Variants in WWOX observed in about 807,000 individuals in gnomAD.
The protein encoded by WWOX is WW domain-containing oxidoreductase.
WWOX carries 69 observed loss-of-function variants against 46.2 expected under a neutral mutation model. The observed-to-expected ratio is 1.49, with a 90% CI of 1.23 to 1.82. The LOEUF is 1.82. WWOX is among the 40% of genes most tolerant of loss of function. The pLI is 0.00. For synonymous variants in WWOX, 359 were observed against 202.6 expected (o/e 1.77, Z -6.56); for missense variants, 919 against 542.6 (o/e 1.69, Z -6.89).
At chr16:78,391,472 A>G (rs895834153) in intron 6 of WWOX, among the ~76,000 whole-genome samples, 4 of 152,234 alleles carry the variant, frequency 2.6e-5, no homozygotes, top group Admixed American at 1.3e-4. Context: ...CTCTGAATCC[A>G]AAACGACTTT....
At chr16:79,035,298 C>A (rs953991066) in intron 8 of WWOX, among the ~76,000 whole-genome samples, 3 of 152,156 alleles carry the variant, frequency 2.0e-5, no homozygotes, top group Non-Finnish European at 2.9e-5. Flanking sequence ...CATCTCTAAT[C>A]CCTTTGATTT....
chr16:79,162,637 A>C (rs1311521965), intron 8 of WWOX, among the ~76,000 whole-genome samples: 1 of 152,172 alleles, frequency 6.6e-6, no homozygotes, highest in African/African-American at 2.4e-5. Context: ...TTGCCCTTGG[A>C]CCATGTCTTC....
intron 8 of WWOX, among the ~76,000 whole-genome samples, chr16:78,932,067 C>T (rs967203798): frequency 2.6e-5 from 4 of 152,184 alleles, no homozygotes; most frequent in South Asian, 2.1e-4. Context: ...AACTGTGAGT[C>T]CGTTAAACCT....
At chr16:78,866,676 C>G (rs1260197704) in intron 8 of WWOX, among the ~76,000 whole-genome samples, 1 of 152,186 alleles carries the variant, frequency 6.6e-6, no homozygotes, top group East Asian at 1.9e-4. Context: ...GCAACGTAGC[C>G]TGATTGTTCT....
chr16:78,315,206 A>G (rs1019068208), intron 5 of WWOX, among the ~76,000 whole-genome samples: 1 of 152,230 alleles, frequency 6.6e-6, no homozygotes, highest in African/African-American at 2.4e-5. Flanking sequence ...TGAAACAGCT[A>G]CCTTTTCCTT....
intron 6 of WWOX, among the ~76,000 whole-genome samples, chr16:78,399,653 C>G (rs1318880148): frequency 6.6e-6 from 1 of 152,128 alleles, no homozygotes; most frequent in Non-Finnish European, 1.5e-5. Flanking sequence ...AGAGAACTCT[C>G]GATTTATATA....
chr16:78,672,799 A>G (rs1033831938), intron 8 of WWOX, among the ~76,000 whole-genome samples: 3 of 152,186 alleles, frequency 2.0e-5, no homozygotes, highest in Non-Finnish European at 2.9e-5. Flanking sequence ...TGAGTTTCCA[A>G]TGATAACAGC....
Position 78,550,575 on chromosome 16 carries a change from T to A in WWOX, c.1056+117823T>A, listed in dbSNP as rs548031801. Among the ~76,000 whole-genome samples, 41 of 152,380 alleles carry A rather than the reference T, an allele frequency of 2.7e-4. 1 individual carries two copies. Among genetic ancestry groups the A allele is most frequent in the African/African-American group, 9.6e-4 (40 of 41,586 alleles). On this transcript the variant is annotated intron_variant, in intron 8 of 8. Transcript: ENST00000566780. Reference sequence around the variant, plus strand: ...CATGGTTTTAGAACATGATATTTTCTACTATGGATGAATGCTCCTCTTTTG... The same window carrying A: ...CATGGTTTTAGAACATGATATTTTCAACTATGGATGAATGCTCCTCTTTTG...
At chr16:78,923,728 G>A (rs1339111791) in intron 8 of WWOX, among the ~76,000 whole-genome samples, 1 of 142,964 alleles carries the variant, frequency 7.0e-6, no homozygotes, top group Non-Finnish European at 1.6e-5. Flanking sequence ...CCTTGGAAAT[G>A]TCAAAAGGAT....
At chr16:78,829,439 G>T (rs867790984) in intron 8 of WWOX, among the ~76,000 whole-genome samples, 8 of 152,190 alleles carry the variant, frequency 5.3e-5, no homozygotes, top group Non-Finnish European at 7.3e-5. Context: ...GTTTTACTCA[G>T]TCTACTGATT....
At chr16:78,509,897 A>C (rs927550368) in intron 8 of WWOX, among the ~76,000 whole-genome samples, 2 of 149,966 alleles carry the variant, frequency 1.3e-5, no homozygotes, top group African/African-American at 4.9e-5. Flanking sequence ...AAACCAGCCC[A>C]GGCAACATAG....
chr16:78,887,649 T>C (rs778331809), intron 8 of WWOX, among the ~76,000 whole-genome samples: 3 of 152,200 alleles, frequency 2.0e-5, no homozygotes, highest in Non-Finnish European at 2.9e-5. Context: ...AGATAAGATA[T>C]ATGTGGATTC....
chr16:78,492,882 G>A (rs1008403586), intron 8 of WWOX, among the ~76,000 whole-genome samples: 1 of 152,182 alleles, frequency 6.6e-6, no homozygotes. Flanking sequence ...AGTACCCAGT[G>A]TGCATGCATG....
chr16:79,021,542 A>T (rs2047533392), intron 8 of WWOX, among the ~76,000 whole-genome samples: 1 of 152,214 alleles, frequency 6.6e-6, no homozygotes, highest in African/African-American at 2.4e-5. Context: ...AACACAGCTC[A>T]TGGTCGGTCC....
chr16:78,661,955 G>A (rs1165257625), intron 8 of WWOX, among the ~76,000 whole-genome samples: 1 of 152,140 alleles, frequency 6.6e-6, no homozygotes, highest in Admixed American at 6.5e-5. Flanking sequence ...AAGGTGGGAG[G>A]ATCATTTGAG....
chr16:78,959,890 A>G (rs111422920), intron 8 of WWOX, among the ~76,000 whole-genome samples: 5,718 of 152,290 alleles, frequency 0.038, 377 homozygotes, highest in African/African-American at 0.13. Context: ...TTGGATAAGG[A>G]TACAGCCTGG....
intron 8 of WWOX, among the ~76,000 whole-genome samples, chr16:79,031,609 CTTTA>C (rs1036503214): frequency 3.3e-5 from 5 of 151,438 alleles, no homozygotes; most frequent in African/African-American, 1.2e-4. Flanking sequence ...TTTGTTTTGT[CTTTA>C]TTTATTTTTA....
At chr16:78,578,515 C>G (rs542179534) in intron 8 of WWOX, among the ~76,000 whole-genome samples, 5 of 151,550 alleles carry the variant, frequency 3.3e-5, no homozygotes, top group African/African-American at 1.2e-4. Context: ...GTCTCAATCT[C>G]CTGGCCTCGT....
intron 4 of WWOX, among the ~76,000 whole-genome samples, chr16:78,138,120 C>G (rs1213907296): frequency 6.6e-6 from 1 of 150,706 alleles, no homozygotes; most frequent in South Asian, 2.1e-4. Context: ...ATCCTCTTCA[C>G]GAGAGCTGAT....
Sources: gnomAD v4.1 joint callset for allele counts (sites outside exome capture counted in the v4.1 genomes callset) on GRCh38, gnomAD v4.1.1 for gene constraint, MANE v1.5 for transcripts, NCBI Gene and HGNC (gene_info 2026-07-23, HGNC 2026-07-21) for gene names.